Variants in RBFOX1 observed in about 807,000 individuals in gnomAD.
RBFOX1 encodes RNA binding fox-1 homolog 1.
A neutral mutation model predicts 57.7 loss-of-function variants in RBFOX1; 8 were observed. The ratio of observed to expected loss-of-function variants is 0.14; its 90% CI spans 0.08 to 0.25. The LOEUF (loss-of-function observed/expected upper bound fraction) is 0.25. Among genes scored for constraint, RBFOX1 ranks in the 10% least tolerant of loss-of-function variants. RBFOX1 has a pLI of 1.00. For synonymous variants in RBFOX1, 326 were observed against 222.4 expected (o/e 1.47, Z -4.15); for missense variants, 611 against 548.5 (o/e 1.11, Z -1.14).
At chr16:5,840,118 A>C (rs2056580493) in intron 3 of RBFOX1, among the ~76,000 whole-genome samples, 1 of 152,198 alleles carries the variant, frequency 6.6e-6, no homozygotes, top group African/African-American at 2.4e-5. Flanking sequence ...ATTTCTCTGC[A>C]TCCAAAGTCA....
At chr16:5,343,653 C>T (rs929823715) in intron 1 of RBFOX1, among the ~76,000 whole-genome samples, 3 of 152,150 alleles carry the variant, frequency 2.0e-5, no homozygotes, top group African/African-American at 7.2e-5. Flanking sequence ...TATTTTCTTT[C>T]AGAAGAATCC....
chr16:5,987,557 CAG>C, intron 4 of RBFOX1, among the ~76,000 whole-genome samples: 1 of 152,140 alleles, frequency 6.6e-6, no homozygotes, highest in South Asian at 2.1e-4. Context: ...AAGCGGGGCA[CAG>C]GGGCATGTGG....
intron 4 of RBFOX1, among the ~76,000 whole-genome samples, chr16:7,407,522 A>G (rs1409036421): frequency 1.3e-5 from 2 of 152,020 alleles, no homozygotes; most frequent in South Asian, 2.1e-4. Flanking sequence ...AGAGGCTGCT[A>G]TGTTGCCTGG....
rs537339847 is a variant in RBFOX1 at position 6,702,197 on chromosome 16, C to T, written c.-16+47547C>T. ...CTGCTCTACCATGATCCAGACACCT[C>T]CCAGTAGACCCACCTCCAACACTGG... is the stretch of plus-strand genomic sequence containing the variant. On this transcript the variant is annotated intron_variant, in intron 3 of 15. Coordinates refer to ENST00000550418, the MANE Select transcript of RBFOX1 (RefSeq NM_018723.4). 2.6e-5 allele frequency among the ~76,000 whole-genome samples: 4 copies of T among 152,278 alleles called. No individual in the cohort carries two copies. The South Asian group carries it at 8.3e-4, about 32-fold the overall frequency.
At chr16:5,747,435 A>G (rs2053030337) in intron 3 of RBFOX1, among the ~76,000 whole-genome samples, 1 of 152,052 alleles carries the variant, frequency 6.6e-6, no homozygotes, top group South Asian at 2.1e-4. Flanking sequence ...TTTTCTGTTG[A>G]TTGGACTAGT....
intron 4 of RBFOX1, among the ~76,000 whole-genome samples, chr16:5,883,122 G>A (rs1246164868): frequency 1.3e-5 from 2 of 152,100 alleles, no homozygotes; most frequent in Non-Finnish European, 2.9e-5. Context: ...ATACAGTACT[G>A]TGTGTTATAT....
chr16:5,501,438 G>A (rs377134651), intron 2 of RBFOX1, among the ~76,000 whole-genome samples: 24 of 151,980 alleles, frequency 1.6e-4, no homozygotes, highest in Non-Finnish European at 2.8e-4. Context: ...ACGCCCTGTC[G>A]ATCTAGTGGA....
chr16:6,523,012 C>T (rs562296800), intron 2 of RBFOX1, among the ~76,000 whole-genome samples: 263 of 152,286 alleles, frequency 1.7e-3, no homozygotes, highest in African/African-American at 5.8e-3. Context: ...AACCATTGTC[C>T]ATCCTACATA....
chr16:7,642,277 C>T (rs936283773), intron 11 of RBFOX1, among the ~76,000 whole-genome samples: 5 of 152,136 alleles, frequency 3.3e-5, no homozygotes, highest in Admixed American at 6.5e-5. Context: ...AGTACCTGTC[C>T]TCCAGGTTGG....
chr16:6,819,240 C>A (rs574550326), intron 3 of RBFOX1, among the ~76,000 whole-genome samples: 1 of 152,164 alleles, frequency 6.6e-6, no homozygotes, highest in African/African-American at 2.4e-5. Flanking sequence ...GGTTGGCAAT[C>A]CTGCATCATT....
At chr16:7,682,464 A>G (rs1470100549) in intron 14 of RBFOX1, among the ~76,000 whole-genome samples, 1 of 146,876 alleles carries the variant, frequency 6.8e-6, no homozygotes, top group South Asian at 2.1e-4. Context: ...TAGGCTGTGG[A>G]ATCAATACGT....
chr16:7,632,689 A>AT lies in RBFOX1; in HGVS notation c.757+2013dup, dbSNP rs540669782. 2.2e-4 allele frequency among the ~76,000 whole-genome samples: 34 copies of AT among 152,158 alleles called. No individual in the cohort carries two copies. In the South Asian group the frequency reaches 5.6e-3, roughly 25 times the overall value. Reference sequence around the variant, plus strand: ...CCATAGGGCTGGGTCCTAGAGTATTATTTTTTTCTCTAACATTGCGGTCCT... The same window carrying AT: ...CCATAGGGCTGGGTCCTAGAGTATTATTTTTTTTCTCTAACATTGCGGTCCT... On this transcript the variant is annotated intron_variant, in intron 11 of 15. Coordinates refer to ENST00000550418, the MANE Select transcript of RBFOX1 (RefSeq NM_018723.4).
At chr16:7,156,555 A>G (rs1054565690) in intron 4 of RBFOX1, among the ~76,000 whole-genome samples, 1 of 152,020 alleles carries the variant, frequency 6.6e-6, no homozygotes, top group Non-Finnish European at 1.5e-5. Context: ...GTAGATATAC[A>G]TATGTGTACA....
chr16:7,595,696 C>T, intron 8 of RBFOX1, 55 bp downstream of exon 8: 3 of 1,444,774 alleles, frequency 2.1e-6, no homozygotes, highest in Admixed American at 1.9e-5. Context: ...CTGCTTCACG[C>T]TCATTCGTTG....
chr16:6,574,837 G>C (rs1600307708), intron 2 of RBFOX1, among the ~76,000 whole-genome samples: 1 of 147,536 alleles, frequency 6.8e-6, no homozygotes, highest in East Asian at 2.2e-4. Flanking sequence ...AGGCGATCCA[G>C]ACCATCCTGG....
intron 2 of RBFOX1, among the ~76,000 whole-genome samples, chr16:6,643,365 C>G (rs1023955555): frequency 6.6e-6 from 1 of 152,128 alleles, no homozygotes; most frequent in Non-Finnish European, 1.5e-5. Flanking sequence ...ACATTTTATA[C>G]TATTCTTCAT....
chr16:6,789,516 G>C (rs889203047), intron 3 of RBFOX1, among the ~76,000 whole-genome samples: 1 of 152,166 alleles, frequency 6.6e-6, no homozygotes, highest in Non-Finnish European at 1.5e-5. Flanking sequence ...TATTACCTAT[G>C]CTGGTTGTGC....
intron 4 of RBFOX1, among the ~76,000 whole-genome samples, chr16:7,396,493 A>G (rs577573834): frequency 2.6e-5 from 4 of 152,296 alleles, no homozygotes; most frequent in African/African-American, 9.6e-5. Flanking sequence ...GTCCTGATTC[A>G]TAAGTGGATG....
At chr16:7,063,930 A>G (rs2055256855) in intron 4 of RBFOX1, among the ~76,000 whole-genome samples, 2 of 152,142 alleles carry the variant, frequency 1.3e-5, no homozygotes, top group Admixed American at 6.6e-5. Context: ...GCATCCATGG[A>G]CTTTGGTATT....
Sources: allele counts gnomAD v4.1 joint callset (sites outside exome capture counted in the v4.1 genomes callset), GRCh38; gene constraint gnomAD v4.1.1; transcripts MANE v1.5; gene names NCBI Gene and HGNC (gene_info 2026-07-23, HGNC 2026-07-21).